Variants in ABL1 observed in about 807,000 individuals in gnomAD.
ABL1 encodes the protein tyrosine-protein kinase ABL1.
In ABL1, 11 loss-of-function variants were observed where a neutral mutation model predicts 94.7. The observed-to-expected ratio is 0.12, with a 90% CI of 0.07 to 0.19. ABL1 has a LOEUF of 0.19. Among genes scored for constraint, ABL1 ranks in the 10% least tolerant of loss-of-function variants. ABL1 has a pLI of 1.00. For missense variants in ABL1, 1,082 were observed against 1,489.4 expected, an observed-to-expected ratio of 0.73 and a Z score of 4.50; for synonymous variants, 656 against 622.4, an observed-to-expected ratio of 1.05 and a Z score of -0.80.
chr9:130,738,967 C>T (rs908118015), intron 1 of ABL1, among the ~76,000 whole-genome samples: 6 of 152,196 alleles, frequency 3.9e-5, no homozygotes, highest in Non-Finnish European at 8.8e-5. Flanking sequence ...ACGGCAACCC[C>T]CACCTCCCTC....
intron 1 of ABL1, among the ~76,000 whole-genome samples, chr9:130,760,315 C>T (rs1040764684): frequency 8.5e-5 from 13 of 152,114 alleles, no homozygotes; most frequent in African/African-American, 2.9e-4. Flanking sequence ...AGAGCTGGGA[C>T]ACTGTTGGCC....
At chr9:130,724,893 G>T in intron 1 of ABL1, 1 of 412,344 alleles carries the variant, frequency 2.4e-6, no homozygotes, top group Non-Finnish European at 4.9e-6. Context: ...TAGTCTTTTA[G>T]CCTTGGCACA....
intron 1 of ABL1, among the ~76,000 whole-genome samples, chr9:130,795,674 A>T (rs1007929455): frequency 2.0e-5 from 3 of 152,254 alleles, no homozygotes; most frequent in Non-Finnish European, 4.4e-5. Context: ...CTTTGTAAAC[A>T]TGAACAATTC....
At chr9:130,727,240 T>G (rs1013094229) in intron 1 of ABL1, among the ~76,000 whole-genome samples, 14 of 151,914 alleles carry the variant, frequency 9.2e-5, no homozygotes, top group Admixed American at 9.2e-4. Context: ...TGAGGTTTTT[T>G]TTTTTTTGTA....
intron 1 of ABL1, among the ~76,000 whole-genome samples, chr9:130,853,170 C>CTTTTTTTTTT (rs11418318): frequency 6.6e-5 from 5 of 75,342 alleles, no homozygotes; most frequent in African/African-American, 1.1e-4. Context: ...TTTGACTTTT[C>CTTTTTTTTTT]TTTTTTTTTT....
intron 1 of ABL1, among the ~76,000 whole-genome samples, chr9:130,770,496 G>T (rs1234847961): frequency 6.6e-6 from 1 of 152,164 alleles, no homozygotes; most frequent in African/African-American, 2.4e-5. Flanking sequence ...CACAGCATAA[G>T]CACTTGTCTC....
chr9:130,844,374 A>G (rs1389619955), intron 1 of ABL1, among the ~76,000 whole-genome samples: 1 of 152,204 alleles, frequency 6.6e-6, no homozygotes, highest in African/African-American at 2.4e-5. Flanking sequence ...TATGGGCGTC[A>G]ATGGCAGGTG....
intron 1 of ABL1, among the ~76,000 whole-genome samples, chr9:130,786,813 C>T (rs1829831990): frequency 6.6e-6 from 1 of 152,064 alleles, no homozygotes; most frequent in Non-Finnish European, 1.5e-5. Flanking sequence ...TAGTTATTCA[C>T]TTTAAAGTTC....
intron 1 of ABL1, among the ~76,000 whole-genome samples, chr9:130,745,096 T>C (rs1166514017): frequency 6.6e-6 from 1 of 151,058 alleles, no homozygotes; most frequent in Non-Finnish European, 1.5e-5. Context: ...TTTTTTTTTT[T>C]TGAGGGGGGC....
At chr9:130,841,892 G>A (rs1830678030) in intron 1 of ABL1, among the ~76,000 whole-genome samples, 1 of 151,186 alleles carries the variant, frequency 6.6e-6, no homozygotes, top group Admixed American at 6.6e-5. Context: ...CGTGTGTTGA[G>A]TACTGGTGAT....
intron 1 of ABL1, among the ~76,000 whole-genome samples, chr9:130,766,357 C>T (rs1377126971): frequency 6.6e-6 from 1 of 152,074 alleles, no homozygotes; most frequent in African/African-American, 2.4e-5. Flanking sequence ...CAGACTTCTG[C>T]GTAGGGCCCT....
At chr9:130,719,320 G>A (rs756303081) in intron 1 of ABL1, among the ~76,000 whole-genome samples, 2 of 152,104 alleles carry the variant, frequency 1.3e-5, no homozygotes, top group Non-Finnish European at 2.9e-5. Context: ...CCTGAGGTCA[G>A]GAGTTTGAGA....
chr9:130,885,669 A>G lies in ABL1; in HGVS notation c.3379A>G (p.Ile1127Val), dbSNP rs1564325056. The stretch of plus-strand genomic sequence containing the variant: ...CAGTTCGGTGAAGGAAATCAGTGAC[A>G]TAGTGCAGAGGTAGCAGCAGTCAGG... Reference protein sequence around the residue: ...LLSSVKEISDIVQR With the variant: ...LLSSVKEISDVVQR The change falls in exon 11 of 11, where the codon ATA becomes GTA. Residue 1127 changes from isoleucine (I) to valine (V), a missense_variant. Physicochemically the swap from Ile to Val is conservative, Grantham distance 29. Transcript: ENST00000318560. 6.8e-6 allele frequency: 11 copies of G among 1,612,164 alleles called. No individual in the cohort carries two copies. The highest frequency in any genetic ancestry group is 7.6e-6 in the Non-Finnish European group (9 of 1,179,476).
Position 130,862,037 on chromosome 9 carries a change from G to A in ABL1, c.550-726G>A, listed in dbSNP as rs943468596. Among the ~76,000 whole-genome samples the A allele has an allele frequency of 3.5e-4, 53 of 152,150 alleles. No homozygotes were observed. The highest frequency in any genetic ancestry group is 2.9e-3 in the Admixed American group (44 of 15,274). On this transcript the variant is annotated intron_variant, in intron 3 of 10. Transcript: ENST00000318560. This position sits in a 1 kb window ranked among gnomAD's most constrained non-coding sequence, Gnocchi z 5.5. ...CACGGGGACCGAATGCTCTTGTGTCGTAAATCCTTCCTTTTGCTTCCTCGT... is the reference window on the plus strand; with the variant it reads ...CACGGGGACCGAATGCTCTTGTGTCATAAATCCTTCCTTTTGCTTCCTCGT...
chr9:130,857,970 A>C (rs1484579148), intron 3 of ABL1, among the ~76,000 whole-genome samples: 1 of 152,098 alleles, frequency 6.6e-6, no homozygotes, highest in Non-Finnish European at 1.5e-5. Context: ...TTCAGACCAC[A>C]AGGGTACCTT....
At chr9:130,879,373 A>T (rs1201803006) in intron 8 of ABL1, among the ~76,000 whole-genome samples, 1 of 152,194 alleles carries the variant, frequency 6.6e-6, no homozygotes, top group African/African-American at 2.4e-5. Flanking sequence ...ATAGCTGCCC[A>T]GTACTCCATT....
chr9:130,776,234 A>C (rs1832308759), intron 1 of ABL1, among the ~76,000 whole-genome samples: 1 of 152,232 alleles, frequency 6.6e-6, no homozygotes, highest in African/African-American at 2.4e-5. Context: ...TAAACTTTAG[A>C]GTCCTGAGTC....
chr9:130,782,759 G>C, intron 1 of ABL1, among the ~76,000 whole-genome samples: 1 of 152,196 alleles, frequency 6.6e-6, no homozygotes, highest in Non-Finnish European at 1.5e-5. Context: ...TGCTGCAGCT[G>C]GATTGGCTTC....
rs1212594641 is a variant in ABL1, at chr9:130,884,599, A to G, written c.2309A>G (p.Asn770Ser). ...PALPRKRAGENRSDQVTRGTV... is the reference protein window; with the variant it reads ...PALPRKRAGESRSDQVTRGTV... ...CTGCCTCGGAAGAGGGCAGGGGAGA[A>G]CAGGTCTGACCAGGTGACCCGAGGC... Residue 770 changes from asparagine (N) to serine (S), a missense_variant, in exon 11 of 11, where the codon AAC becomes AGC. Coordinates refer to ENST00000318560, the MANE Select transcript of ABL1 (RefSeq NM_005157.6). The surrounding 1 kb of genome is among the most constrained non-coding windows in gnomAD (Gnocchi z 5.6). 6.2e-7 allele frequency: 1 copy of G among 1,613,382 alleles called. No homozygotes were observed. The highest frequency in any genetic ancestry group is 8.5e-7 in the Non-Finnish European group (1 of 1,180,018).
Sources: gnomAD v4.1 joint callset for allele counts (sites outside exome capture counted in the v4.1 genomes callset) on GRCh38, gnomAD v4.1.1 for gene constraint, Gnocchi (gnomAD v3.1) non-coding constraint, MANE v1.5 for transcripts, NCBI Gene and HGNC (gene_info 2026-07-23, HGNC 2026-07-21) for gene names.